ATP6V1A: variants seen among roughly 807,000 people sequenced by gnomAD.
ATP6V1A encodes the protein V-type proton ATPase catalytic subunit A.
ATP6V1A carries 18 observed loss-of-function variants against 70.1 expected under a neutral mutation model. The observed-to-expected ratio is 0.26, with a 90% CI of 0.18 to 0.38. The LOEUF is 0.38. Ranked by LOEUF, ATP6V1A falls within the 10% of genes least tolerant of loss-of-function variation. The pLI is 1.00. For synonymous variants in ATP6V1A, 232 were observed against 253.8 expected, an observed-to-expected ratio of 0.91 and a Z score of 0.82; for missense variants, 424 against 772.4, an observed-to-expected ratio of 0.55 and a Z score of 5.35.
intron 1 of ATP6V1A, among the ~76,000 whole-genome samples, chr3:113,747,613 C>A (rs1456700043): frequency 6.6e-6 from 1 of 152,184 alleles, no homozygotes; most frequent in Admixed American, 6.6e-5. Context: ...AAGCTTCCCT[C>A]CGAATGTGCT....
intron 1 of ATP6V1A, among the ~76,000 whole-genome samples, chr3:113,775,727 A>C (rs536151738): frequency 6.6e-6 from 1 of 152,362 alleles, no homozygotes; most frequent in South Asian, 2.1e-4. Context: ...TTTAATAGGC[A>C]GATGACCATG....
chr3:113,784,399 A>T lies in ATP6V1A; in HGVS notation c.387A>T (p.Arg129Ser). The change falls in exon 4 of 15, where the codon AGA becomes AGT. Residue 129 changes from arginine to serine, a missense_variant. Arg to Ser is a moderately radical substitution (Grantham distance 110, BLOSUM62 -1). Transcript: ENST00000273398. ...PRGVNVSALS[R>S]DIKWDFTPCK... is the part of the protein sequence containing the mutation. ...GAGTAAACGTGTCTGCTCTTAGCAG[A>T]GATATCAAATGGGACTTTACACCTT... 6.2e-7 allele frequency: 1 copy of T among 1,614,170 alleles called. No homozygotes were observed. The highest frequency in any genetic ancestry group is 8.5e-7 in the Non-Finnish European group (1 of 1,179,998).
intron 1 of ATP6V1A, among the ~76,000 whole-genome samples, chr3:113,753,357 GT>G (rs1238386911): frequency 1.3e-5 from 2 of 152,318 alleles, no homozygotes; most frequent in East Asian, 3.9e-4. Flanking sequence ...AAGTGTTAGA[GT>G]TTTTCCTAGT....
At chr3:113,807,445 C>T (rs534647623) in intron 14 of ATP6V1A, among the ~76,000 whole-genome samples, 1 of 152,010 alleles carries the variant, frequency 6.6e-6, no homozygotes, top group South Asian at 2.1e-4. Flanking sequence ...CCTCCCAAAG[C>T]GCTGGGATTA....
At chr3:113,793,603 A>G (rs1709121671) in intron 8 of ATP6V1A, among the ~76,000 whole-genome samples, 1 of 152,204 alleles carries the variant, frequency 6.6e-6, no homozygotes, top group Non-Finnish European at 1.5e-5. Context: ...TGCTTGTATA[A>G]GAAAGAATCT....
chr3:113,766,563 G>A (rs914670602), intron 1 of ATP6V1A, among the ~76,000 whole-genome samples: 1 of 152,270 alleles, frequency 6.6e-6, no homozygotes, highest in East Asian at 1.9e-4. Context: ...CCAAAGTGCT[G>A]AGATTACAGG....
At chr3:113,750,209 C>T (rs2108003972) in intron 1 of ATP6V1A, among the ~76,000 whole-genome samples, 1 of 152,270 alleles carries the variant, frequency 6.6e-6, no homozygotes, top group South Asian at 2.1e-4. Flanking sequence ...ATCTTAAAAA[C>T]TAAGTGGTGT....
chr3:113,750,710 GC>G (rs1477124642), intron 1 of ATP6V1A, among the ~76,000 whole-genome samples: 1 of 152,148 alleles, frequency 6.6e-6, no homozygotes, highest in Non-Finnish European at 1.5e-5. Context: ...AATGTAAAAT[GC>G]CTAGAACATA....
Position 113,809,667 on chromosome 3 carries a change from T to C in ATP6V1A, c.*240T>C. 1 of 347,808 alleles carries C rather than the reference T, an allele frequency of 2.9e-6. No homozygotes were observed. The highest frequency in any genetic ancestry group is 5.5e-6 in the Non-Finnish European group (1 of 182,028). The allele number at this position is 347,808 out of a possible 1,614,324, so 21.5% of individuals were successfully genotyped here. ...TATCTGAAGTGGTGAATATAGTAAATATACATTCTGGTTACACTACTGTAA... is the reference window on the plus strand; with the variant it reads ...TATCTGAAGTGGTGAATATAGTAAACATACATTCTGGTTACACTACTGTAA... On this transcript the variant is annotated 3_prime_UTR_variant, in exon 15 of 15. Transcript: ENST00000273398.
chr3:113,784,645 G>T, intron 4 of ATP6V1A, 51 bp from the exon 5 acceptor site: 2 of 1,598,104 alleles, frequency 1.3e-6, no homozygotes, highest in Non-Finnish European at 1.7e-6. Flanking sequence ...GCAGGGGCAA[G>T]TCTACTTGAC....
At chr3:113,786,105 G>T in intron 5 of ATP6V1A, 127 bp from the exon 6 acceptor site, 3 of 586,344 alleles carry the variant, frequency 5.1e-6, no homozygotes, top group Non-Finnish European at 7.7e-6. Context: ...ATAATAAAAA[G>T]TATAAATCTC....
intron 8 of ATP6V1A, among the ~76,000 whole-genome samples, chr3:113,793,515 A>G (rs1447508314): frequency 6.6e-6 from 1 of 152,156 alleles, no homozygotes; most frequent in East Asian, 1.9e-4. Flanking sequence ...ACTTACTCAT[A>G]TGTATCTGTC....
intron 6 of ATP6V1A, among the ~76,000 whole-genome samples, chr3:113,786,677 G>T (rs1191646333): frequency 6.7e-6 from 1 of 149,964 alleles, no homozygotes; most frequent in Non-Finnish European, 1.5e-5. Flanking sequence ...TTTCATGGTT[G>T]CCCACAGAAA....
At chr3:113,792,203 A>G (rs1367853469) in intron 8 of ATP6V1A, among the ~76,000 whole-genome samples, 1 of 152,228 alleles carries the variant, frequency 6.6e-6, no homozygotes, top group African/African-American at 2.4e-5. Flanking sequence ...TGGATATATC[A>G]TAATCAATTT....
chr3:113,765,780 A>T (rs1708763266), intron 1 of ATP6V1A, among the ~76,000 whole-genome samples: 2 of 148,778 alleles, frequency 1.3e-5, no homozygotes, highest in South Asian at 4.2e-4. Flanking sequence ...AAAAAAAGGT[A>T]GACAGGTGTG....
At chr3:113,761,322 A>G (rs1225690849) in intron 1 of ATP6V1A, among the ~76,000 whole-genome samples, 3 of 151,920 alleles carry the variant, frequency 2.0e-5, no homozygotes, top group Non-Finnish European at 4.4e-5. Context: ...TATGTGTGTC[A>G]GTCTCAAATG....
chr3:113,755,431 CAAA>C (rs1184456240), intron 1 of ATP6V1A, among the ~76,000 whole-genome samples: 2 of 38,036 alleles, frequency 5.3e-5, no homozygotes, highest in Admixed American at 2.4e-4. Context: ...CATGTCTGTA[CAAA>C]AAAAAAAAAA....
chr3:113,784,787 G>C lies in ATP6V1A; in HGVS notation c.518G>C (p.Arg173Thr). 1 of 1,614,096 alleles carries C rather than the reference G, an allele frequency of 6.2e-7. No homozygotes were observed. Among genetic ancestry groups the C allele is most frequent in the Non-Finnish European group, 8.5e-7 (1 of 1,179,968 alleles). Residue 173 changes from arginine to threonine, a missense_variant, in exon 5 of 15, where the codon AGA becomes ACA. Arg to Thr is a moderately conservative substitution (Grantham distance 71). Coordinates refer to ENST00000273398, the MANE Select transcript of ATP6V1A (RefSeq NM_001690.4). ...KHKIMLPPRN[R>T]GTVTYIAPPG... ...AAAATCATGTTACCCCCACGAAACAGAGGAACTGTAACTTACATTGCTCCA... is the reference window on the plus strand; with the variant it reads ...AAAATCATGTTACCCCCACGAAACACAGGAACTGTAACTTACATTGCTCCA...
chr3:113,805,645 T>A (rs1258113358), intron 14 of ATP6V1A, 120 bp downstream of exon 14: 7 of 962,906 alleles, frequency 7.3e-6, no homozygotes, highest in Non-Finnish European at 1.5e-6. Flanking sequence ...CTTGTCTCAC[T>A]GCAACCTCTG....
Sources: gnomAD v4.1 joint callset for allele counts (sites outside exome capture counted in the v4.1 genomes callset) on GRCh38, gnomAD v4.1.1 for gene constraint, MANE v1.5 for transcripts, NCBI Gene and HGNC (gene_info 2026-07-23, HGNC 2026-07-21) for gene names.